SLC35D1: variants seen among roughly 807,000 people sequenced by gnomAD.
The protein encoded by SLC35D1 is nucleotide sugar transporter SLC35D1.
In SLC35D1, 31 loss-of-function variants were observed where a neutral mutation model predicts 46.7. The ratio of observed to expected loss-of-function variants is 0.66; its 90% CI spans 0.50 to 0.90. SLC35D1 has a LOEUF of 0.90. Ranked by LOEUF, SLC35D1 falls within the 40% of genes least tolerant of loss-of-function variation. The probability of loss-of-function intolerance (pLI) is 0.00; values close to 1 mark genes in which losing one functional copy is unlikely to be tolerated. For missense variants in SLC35D1, 397 were observed against 426.2 expected (o/e 0.93, Z 0.60); for synonymous variants, 195 against 164.6 (o/e 1.18, Z -1.41).
chr1:67,016,844 T>C (rs1237912379), intron 10 of SLC35D1, among the ~76,000 whole-genome samples: 1 of 152,194 alleles, frequency 6.6e-6, no homozygotes, highest in Non-Finnish European at 1.5e-5. Context: ...TTTGCAGATA[T>C]GACCAGACTA....
downstream of SLC35D1, among the ~76,000 whole-genome samples, chr1:66,995,925 C>G (rs1667234854): frequency 6.6e-6 from 1 of 152,160 alleles, no homozygotes; most frequent in Non-Finnish European, 1.5e-5. Context: ...TATGATAAAG[C>G]ACTCTTGATG....
At chr1:66,992,638 G>C in the SLC35D1 span, among the ~76,000 whole-genome samples, 1,371 of 152,314 alleles carry the variant, frequency 9.0e-3, 12 homozygotes, top group Non-Finnish European at 0.014. Flanking sequence ...TTCATGGCTA[G>C]AGCCATGGGC....
rs1243534046 is a variant in SLC35D1 at position 67,002,232 on chromosome 1, A to G, written c.*2108T>C. The stretch of plus-strand genomic sequence containing the variant: ...TACAGCCAGAAGTGCATTATCAACT[A>G]AAGTCAGCCTGGAAGTGGGATAAGG... On this transcript the variant is annotated 3_prime_UTR_variant, in exon 12 of 12. Coordinates refer to ENST00000235345, the MANE Select transcript of SLC35D1 (RefSeq NM_015139.3). 1 of 152,362 alleles carries G rather than the reference A, an allele frequency of 6.6e-6. No individual in the cohort carries two copies. The highest frequency in any genetic ancestry group is 1.5e-5 in the Non-Finnish European group (1 of 68,050). 9.4% of individuals were successfully genotyped at this position (152,362 alleles called of 1,614,324 possible).
At chr1:67,041,365 G>A (rs1367006752) in intron 8 of SLC35D1, among the ~76,000 whole-genome samples, 1 of 152,148 alleles carries the variant, frequency 6.6e-6, no homozygotes, top group African/African-American at 2.4e-5. Context: ...AGCTTCATAA[G>A]CTGTCAGTCT....
downstream of SLC35D1, among the ~76,000 whole-genome samples, chr1:66,995,333 T>C (rs1042064981): frequency 1.3e-5 from 2 of 151,514 alleles, no homozygotes; most frequent in Non-Finnish European, 2.9e-5. Flanking sequence ...GTGAGACATC[T>C]GAATTTGCCA....
chr1:67,053,766 C>CCG (rs1439096547), intron 1 of SLC35D1, 45 bp downstream of exon 1: 62 of 1,449,090 alleles, frequency 4.3e-5, no homozygotes, highest in Non-Finnish European at 5.3e-5. Flanking sequence ...GCCGCCGCCG[C>CCG]CCGCTCCTCC....
downstream of SLC35D1, among the ~76,000 whole-genome samples, chr1:66,997,830 A>AT (rs968619556): frequency 2.4e-4 from 35 of 147,522 alleles, no homozygotes; most frequent in African/African-American, 5.2e-4. Context: ...CTGTTAAAAA[A>AT]ATATATATAT....
chr1:67,042,201 AC>A (rs1558164390), intron 8 of SLC35D1, 34 bp downstream of exon 8: 2 of 1,528,764 alleles, frequency 1.3e-6, no homozygotes, highest in Admixed American at 1.7e-5. Flanking sequence ...CAGTTCATCA[AC>A]GTAAGCCATT....
rs1667384788 is a variant in SLC35D1, at chr1:67,003,519, C to T, written c.*821G>A. 1 of 152,310 alleles carries T rather than the reference C, an allele frequency of 6.6e-6. No individual in the cohort carries two copies. The highest frequency in any genetic ancestry group is 1.5e-5 in the Non-Finnish European group (1 of 68,062). The allele number at this position is 152,310 out of a possible 1,614,324, so 9.4% of individuals were successfully genotyped here. A position where few individuals can be genotyped will look rare whatever the true frequency, so the allele number is the denominator to read the frequency against. On this transcript the variant is annotated 3_prime_UTR_variant, in exon 12 of 12. Coordinates refer to ENST00000235345, the MANE Select transcript of SLC35D1 (RefSeq NM_015139.3). ...TAGATTAACAGAGCTAAATTCTCAA[C>T]CTTACCTGAGTCACTATGGCAGGAG...
chr1:67,025,059 T>A (rs987996300), intron 8 of SLC35D1, among the ~76,000 whole-genome samples: 3 of 152,128 alleles, frequency 2.0e-5, no homozygotes, highest in African/African-American at 7.2e-5. Context: ...TGATTTCCCT[T>A]CTTAGTAAGA....
At chr1:67,050,370 C>T (rs1645296053) in intron 5 of SLC35D1, 63 bp downstream of exon 5, 2 of 1,219,722 alleles carry the variant, frequency 1.6e-6, no homozygotes, top group African/African-American at 3.0e-5. Flanking sequence ...TTTAATATCT[C>T]ACATATGCTG....
chr1:67,040,069 A>T (rs1275924004), intron 8 of SLC35D1, among the ~76,000 whole-genome samples: 1 of 150,480 alleles, frequency 6.6e-6, no homozygotes, highest in Non-Finnish European at 1.5e-5. Context: ...ATCATGGCTC[A>T]CTGCAGCCTC....
chr1:66,983,441 A>G, the SLC35D1 span, among the ~76,000 whole-genome samples: 1 of 152,118 alleles, frequency 6.6e-6, no homozygotes, highest in Non-Finnish European at 1.5e-5. Flanking sequence ...TTTTCAAGCA[A>G]TTAAATTGTA....
At chr1:67,015,923 C>A (rs1667676091) in intron 10 of SLC35D1, among the ~76,000 whole-genome samples, 1 of 151,956 alleles carries the variant, frequency 6.6e-6, no homozygotes. Flanking sequence ...GGCCTGCAAT[C>A]CTGTTTTAAA....
At position 67,054,020 on chromosome 1, in the gene SLC35D1, CGCAGCA is replaced by C; in HGVS notation, c.-13_-8del. On this transcript the variant is annotated 5_prime_UTR_variant, in exon 1 of 12. Coordinates refer to ENST00000235345, the MANE Select transcript of SLC35D1 (RefSeq NM_015139.3). Reference sequence around the variant, plus strand: ...GTCTATGAACTTCCGCCATGGCTGCCGCAGCAGCGGTGGCCTGGCGGCGGGGCCTAG... The same window carrying C: ...GTCTATGAACTTCCGCCATGGCTGCCGCGGTGGCCTGGCGGCGGGGCCTAG... 1 of 1,607,882 alleles carries C rather than the reference CGCAGCA, an allele frequency of 6.2e-7. No homozygotes were observed. The highest frequency in any genetic ancestry group is 8.5e-7 in the Non-Finnish European group (1 of 1,177,278).
intron 8 of SLC35D1, among the ~76,000 whole-genome samples, chr1:67,031,696 A>G (rs183677576): frequency 5.3e-5 from 8 of 152,302 alleles, no homozygotes; most frequent in Non-Finnish European, 1.0e-4. Flanking sequence ...GTTATTTAAC[A>G]TCAGTGAGCC....
At chr1:67,033,522 T>C (rs1364165606) in intron 8 of SLC35D1, among the ~76,000 whole-genome samples, 1 of 152,238 alleles carries the variant, frequency 6.6e-6, no homozygotes, top group Non-Finnish European at 1.5e-5. Flanking sequence ...GCCATCTGTA[T>C]GTCTTCTTTT....
chr1:67,020,739 A>T (rs187184697), intron 9 of SLC35D1, among the ~76,000 whole-genome samples: 12 of 152,306 alleles, frequency 7.9e-5, no homozygotes, highest in African/African-American at 2.9e-4. Flanking sequence ...AATACACCTA[A>T]GCCAGCCAGA....
the SLC35D1 span, among the ~76,000 whole-genome samples, chr1:66,977,977 TC>T: frequency 6.6e-6 from 1 of 151,958 alleles, no homozygotes. Context: ...GGCGGGTGGA[TC>T]ACAAGGTCAG....
Sources: gnomAD v4.1 joint callset for allele counts (sites outside exome capture counted in the v4.1 genomes callset) on GRCh38, gnomAD v4.1.1 for gene constraint, MANE v1.5 for transcripts, NCBI Gene and HGNC (gene_info 2026-07-23, HGNC 2026-07-21) for gene names.